MADCAM1: variants seen among roughly 807,000 people sequenced by gnomAD.
MADCAM1 encodes mucosal addressin cell adhesion molecule 1.
A neutral mutation model predicts 26.1 loss-of-function variants in MADCAM1; 19 were observed. The observed-to-expected ratio is 0.73, with a 90% CI of 0.51 to 1.07. MADCAM1 has a LOEUF of 1.07. Among genes scored for constraint, MADCAM1 ranks in the 50% least tolerant of loss-of-function variants. The pLI, the probability that MADCAM1 is intolerant of heterozygous loss-of-function variation, is 0.00. For synonymous variants in MADCAM1, 268 were observed against 260.9 expected, an observed-to-expected ratio of 1.03 and a Z score of -0.26; for missense variants, 514 against 542.1, an observed-to-expected ratio of 0.95 and a Z score of 0.51.
chr19:499,921 A>G (rs1263029033), intron 3 of MADCAM1: 1 of 431,152 alleles, frequency 2.3e-6, no homozygotes, highest in East Asian at 7.5e-5. Context: ...AATGGACGTG[A>G]GGTCGTGAGT....
At chr19:498,900 TGGGGGGGC>T in intron 3 of MADCAM1, 75 bp downstream of exon 3, 1 of 71,832 alleles carries the variant, frequency 1.4e-5, no homozygotes, top group Non-Finnish European at 2.4e-5. Context: ...GGTGGGGGGG[TGGGGGGGC>T]AGCACCTGTG....
intron 4 of MADCAM1, among the ~76,000 whole-genome samples, chr19:503,348 A>T (rs59408516): frequency 6.7e-6 from 1 of 149,972 alleles, no homozygotes; most frequent in Non-Finnish European, 1.5e-5. Flanking sequence ...TTGGGAGGCC[A>T]AGGCGGGCGG....
Position 498,745 on chromosome 19 carries a change from C to T in MADCAM1, c.587C>T (p.Thr196Ile). 2 of 1,477,696 alleles carry T rather than the reference C, an allele frequency of 1.4e-6. No individual in the cohort carries two copies. The highest frequency in any genetic ancestry group is 1.8e-6 in the Non-Finnish European group (2 of 1,122,354). The allele number at this position is 1,477,696 out of a possible 1,614,324, so 91.5% of individuals were successfully genotyped here. A position where few individuals can be genotyped will look rare whatever the true frequency, so the allele number is the denominator to read the frequency against. ...CGCTGGCGGCTGCCGCCCCTGGGGA[C>T]CCCTGTCCCGCCCGCCCTCTACTGC... ...TERWRLPPLG[T>I]PVPPALYCQA... Residue 196 changes from threonine to isoleucine, a missense_variant, in exon 3 of 5, where the codon ACC becomes ATC. Thr to Ile is a moderately conservative substitution (Grantham distance 89). Transcript: ENST00000215637.
intron 1 of MADCAM1, 94 bp from the exon 2 acceptor site, chr19:497,739 G>A (rs1163016507): frequency 3.8e-6 from 4 of 1,041,738 alleles, no homozygotes; most frequent in Admixed American, 4.4e-5. Context: ...GGGCAGAGGC[G>A]GGGCGGGGTC....
At position 498,857 on chromosome 19, in the gene MADCAM1, C is replaced by A. The variant is rs781050149; in HGVS notation, c.667+32C>A. On this transcript the variant is annotated intron_variant, in intron 3 of 4. Transcript: ENST00000215637. ...CCGCTGGGTGCCCTGGAGACCCACC[C>A]GCTCGCCAGCCTTGACAAGCACTTC... is the stretch of plus-strand genomic sequence containing the variant. The A allele has an allele frequency of 3.5e-6, 5 of 1,430,886 alleles. 1 individual carries two copies. Among genetic ancestry groups the A allele is most frequent in the South Asian group, 1.2e-5 (1 of 80,012 alleles). 88.6% of individuals were successfully genotyped at this position (1,430,886 alleles called of 1,614,324 possible). A position where few individuals can be genotyped will look rare whatever the true frequency, so the allele number is the denominator to read the frequency against.
intron 1 of MADCAM1, among the ~76,000 whole-genome samples, chr19:497,175 GGGA>G (rs1976593306): frequency 2.5e-5 from 1 of 39,714 alleles, no homozygotes; most frequent in Non-Finnish European, 5.2e-5. Flanking sequence ...GGGCGCGGAG[GGGA>G]GGGGGCGCAG....
chr19:501,462 G>GT, intron 3 of MADCAM1: 1 of 418,480 alleles, frequency 2.4e-6, no homozygotes, highest in South Asian at 7.6e-5. Context: ...TCCAGCCTGG[G>GT]TAACAAGAGC....
intron 3 of MADCAM1, among the ~76,000 whole-genome samples, chr19:500,466 A>G (rs1978315728): frequency 6.6e-6 from 1 of 152,236 alleles, no homozygotes; most frequent in Admixed American, 6.5e-5. Flanking sequence ...GGCCGGGCTC[A>G]CGCCTGTAAT....
At chr19:501,567 A>T in intron 3 of MADCAM1, 102 bp from the exon 4 acceptor site, 1 of 1,161,566 alleles carries the variant, frequency 8.6e-7, no homozygotes, top group Non-Finnish European at 1.2e-6. Flanking sequence ...AGGGGCTTGG[A>T]GGGGTTCTGG....
chr19:501,953 G>T, intron 4 of MADCAM1, 24 bp downstream of exon 4: 1 of 1,453,936 alleles, frequency 6.9e-7, no homozygotes, highest in South Asian at 1.4e-5. Flanking sequence ...CCTGGGGGCA[G>T]GGAGGGTGGG....
Position 498,525 on chromosome 19 carries a change from G to T in MADCAM1, c.367G>T (p.Ala123Ser). 6.8e-7 allele frequency: 1 copy of T among 1,466,728 alleles called. No homozygotes were observed. Among genetic ancestry groups the T allele is most frequent in the East Asian group, 2.7e-5 (1 of 37,710 alleles). The allele number at this position is 1,466,728 out of a possible 1,614,324, so 90.9% of individuals were successfully genotyped here. The change falls in exon 3 of 5, where the codon GCA (alanine) becomes TCA (serine). Residue 123 changes from alanine to serine, a missense_variant. Physicochemically the swap from Ala to Ser is moderately conservative, Grantham distance 99. Coordinates refer to ENST00000215637, the MANE Select transcript of MADCAM1 (RefSeq NM_130760.3). ...CCCGGACCAGCTGACCGTCTCCCCA[G>T]CAGCCCTGGTGCCTGGTGACCCGGA... ...AFPDQLTVSP[A>S]ALVPGDPEVA...
chr19:497,234 G>A (rs1273928704), intron 1 of MADCAM1, among the ~76,000 whole-genome samples: 1 of 57,908 alleles, frequency 1.7e-5, no homozygotes, highest in Non-Finnish European at 3.6e-5. Context: ...CAGGAGAGAG[G>A]AGGGGGCGCG....
rs1371803189 is a variant in MADCAM1, at chr19:498,012, G to T, written c.232G>T (p.Val78Phe). ...GAVQSDTGRS[V>F]LTVRNASLSA... ...GGTGCAGTCGGACACGGGCCGCAGC[G>T]TCCTCACCGTGCGCAACGCCTCGCT... Residue 78 changes from valine to phenylalanine, a missense_variant, in exon 2 of 5, where the codon GTC becomes TTC. By Grantham distance (50) the Val-to-Phe change is conservative (BLOSUM62 -1). Around this residue, in one of 3 missense-constraint regions of MADCAM1, gnomAD observed 317 missense variants for 313.6 expected, o/e 1.01. Transcript: ENST00000215637. 1.3e-6 allele frequency: 2 copies of T among 1,503,190 alleles called. No homozygotes were observed. Among genetic ancestry groups the T allele is most frequent in the East Asian group, 2.7e-5 (1 of 37,676 alleles). 93.1% of individuals were successfully genotyped at this position (1,503,190 alleles called of 1,614,324 possible).
At position 498,722 on chromosome 19, in the gene MADCAM1, C is replaced by T. The variant is rs913507992; in HGVS notation, c.564C>T (p.Arg188=). Residue 188 remains arginine (R), a synonymous_variant, in exon 3 of 5, where the codon CGC becomes CGT. Transcript: ENST00000215637. ...DEDVLFRVTE[R]WRLPPLGTPV... is the part of the protein sequence containing the mutation. ...ACGTGCTGTTCAGGGTGACAGAGCG[C>T]TGGCGGCTGCCGCCCCTGGGGACCC... is the stretch of plus-strand genomic sequence containing the variant. The T allele has an allele frequency of 2.1e-6, 3 of 1,457,196 alleles. No individual in the cohort carries two copies. The highest frequency in any genetic ancestry group is 2.7e-6 in the Non-Finnish European group (3 of 1,109,796). The allele number at this position is 1,457,196 out of a possible 1,614,324, so 90.3% of individuals were successfully genotyped here. A position where few individuals can be genotyped will look rare whatever the true frequency, so the allele number is the denominator to read the frequency against.
Position 505,028 on chromosome 19 carries a change from C to A in MADCAM1, c.*63C>A. On this transcript the variant is annotated 3_prime_UTR_variant, in exon 5 of 5. Coordinates refer to ENST00000215637, the MANE Select transcript of MADCAM1 (RefSeq NM_130760.3). ...GGACCCCTTCAAGTTGAGAACTGGT[C>A]AGGGCAAACCTGCCTCCCATTCTAC... The A allele has an allele frequency of 8.3e-7, 1 of 1,211,262 alleles. No individual in the cohort carries two copies. The highest frequency in any genetic ancestry group is 1.5e-5 in the South Asian group (1 of 66,674). The allele number at this position is 1,211,262 out of a possible 1,614,324, so 75.0% of individuals were successfully genotyped here.
chr19:498,753 C>T lies in MADCAM1; in HGVS notation c.595C>T (p.Pro199Ser), dbSNP rs1978300295. ...GCTGCCGCCCCTGGGGACCCCTGTC[C>T]CGCCCGCCCTCTACTGCCAGGCCAC... ...WRLPPLGTPV[P>S]PALYCQATMR... Residue 199 changes from proline to serine, a missense_variant, in exon 3 of 5, where the codon CCG becomes TCG. By Grantham distance (74) the Pro-to-Ser change is moderately conservative (BLOSUM62 -1). This residue lies in a region of MADCAM1 where 317 missense variants were observed against 313.6 expected (regional missense o/e 1.01). Coordinates refer to ENST00000215637, the MANE Select transcript of MADCAM1 (RefSeq NM_130760.3). The T allele has an allele frequency of 6.7e-7, 1 of 1,485,090 alleles. No individual in the cohort carries two copies. Among genetic ancestry groups the T allele is most frequent in the Non-Finnish European group, 8.9e-7 (1 of 1,126,756 alleles). 92.0% of individuals were successfully genotyped at this position (1,485,090 alleles called of 1,614,324 possible). A position where few individuals can be genotyped will look rare whatever the true frequency, so the allele number is the denominator to read the frequency against.
At position 497,843 on chromosome 19, in the gene MADCAM1, C is replaced by G. The variant is rs1348759594; in HGVS notation, c.63C>G (p.Leu21=). ...CCGCGGTCGCCGCAGGCCAGTCCCTCCAGGTGAAGCCCCTGCAGGTGGAGC... is the reference window on the plus strand; with the variant it reads ...CCGCGGTCGCCGCAGGCCAGTCCCTGCAGGTGAAGCCCCTGCAGGTGGAGC... The part of the protein sequence containing the change: ...GLLGLLLGQS[L]QVKPLQVEPP... The change falls in exon 2 of 5, where the codon CTC becomes CTG. Residue 21 remains leucine, a synonymous_variant. Transcript: ENST00000215637. 7.6e-7 allele frequency: 1 copy of G among 1,318,706 alleles called. No homozygotes were observed. Among genetic ancestry groups the G allele is most frequent in the Non-Finnish European group, 9.6e-7 (1 of 1,040,998 alleles). 81.7% of individuals were successfully genotyped at this position (1,318,706 alleles called of 1,614,324 possible). A position where few individuals can be genotyped will look rare whatever the true frequency, so the allele number is the denominator to read the frequency against.
Position 503,578 on chromosome 19 carries a change from C to CA in MADCAM1, c.929-1151dup, listed in dbSNP as rs55970128. On this transcript the variant is annotated intron_variant, in intron 4 of 4. Transcript: ENST00000215637. Reference sequence around the variant, plus strand: ...CCTGGGAGACAGCAAGACTCCGTCTCAAAAAAAAAAAAAAAATTAAAAGTA... The same window carrying CA: ...CCTGGGAGACAGCAAGACTCCGTCTCAAAAAAAAAAAAAAAAATTAAAAGTA... Among the ~76,000 whole-genome samples, 857 of 120,084 alleles carry CA rather than the reference C, an allele frequency of 7.1e-3. 24 individuals are homozygous for CA. Among genetic ancestry groups the CA allele is most frequent in the African/African-American group, 0.024 (741 of 30,684 alleles). 78.8% of individuals were successfully genotyped at this position (120,084 alleles called of 152,430 possible). A position where few individuals can be genotyped will look rare whatever the true frequency, so the allele number is the denominator to read the frequency against.
intron 4 of MADCAM1, among the ~76,000 whole-genome samples, chr19:502,922 T>C (rs1287908831): frequency 6.6e-6 from 1 of 152,122 alleles, no homozygotes; most frequent in African/African-American, 2.4e-5. Flanking sequence ...GGAGAGGAAG[T>C]TGCTTACGAA....
Sources: allele counts gnomAD v4.1 joint callset (sites outside exome capture counted in the v4.1 genomes callset), GRCh38; gene constraint gnomAD v4.1.1; regional missense constraint gnomAD v4.1.1; transcripts MANE v1.5; gene names NCBI Gene and HGNC (gene_info 2026-07-23, HGNC 2026-07-21).